PTPRM: variants seen among roughly 807,000 people sequenced by gnomAD.
PTPRM encodes the protein protein tyrosine phosphatase receptor type M.
In PTPRM, 47 loss-of-function variants were observed where a neutral mutation model predicts 186.7. That is an observed-to-expected ratio of 0.25 (90% CI 0.20 to 0.32). The LOEUF (loss-of-function observed/expected upper bound fraction) is 0.32, where lower values mean the gene tolerates loss of function less well. PTPRM is among the 10% of genes least tolerant of loss of function. The pLI, the probability that PTPRM is intolerant of heterozygous loss-of-function variation, is 1.00. For missense variants in PTPRM, 1,494 were observed against 1,865.0 expected (o/e 0.80, Z 3.66); for synonymous variants, 668 against 674.9 (o/e 0.99, Z 0.16).
intron 19 of PTPRM, among the ~76,000 whole-genome samples, chr18:8,291,925 G>A (rs957636575): frequency 3.9e-5 from 6 of 152,060 alleles, no homozygotes; most frequent in Non-Finnish European, 8.8e-5. Context: ...TCTAGGGAAG[G>A]AAGAATAAAG....
intron 1 of PTPRM, among the ~76,000 whole-genome samples, chr18:7,610,773 A>G (rs1342558518): frequency 6.6e-6 from 1 of 152,262 alleles, no homozygotes; most frequent in Non-Finnish European, 1.5e-5. Flanking sequence ...GATTCTTGAT[A>G]ATAAATGACT....
chr18:8,350,034 C>T (rs1235349755), intron 23 of PTPRM, among the ~76,000 whole-genome samples: 2 of 152,178 alleles, frequency 1.3e-5, no homozygotes, highest in Admixed American at 1.3e-4. Context: ...AGGTTCAGGG[C>T]CTGTCGGGGC....
chr18:8,380,455 A>C, intron 29 of PTPRM, 28 bp downstream of exon 29: 1 of 1,613,448 alleles, frequency 6.2e-7, no homozygotes, highest in Non-Finnish European at 8.5e-7. Context: ...TACAGTCAGA[A>C]CTAGTGCCAG....
intron 2 of PTPRM, among the ~76,000 whole-genome samples, chr18:7,830,811 A>C (rs75728951): frequency 1.7e-3 from 264 of 152,212 alleles, no homozygotes; most frequent in African/African-American, 6.0e-3. Flanking sequence ...ACACACCCGA[A>C]AGCATTTTTA....
intron 1 of PTPRM, among the ~76,000 whole-genome samples, chr18:7,683,826 C>CTCAG (rs1258773799): frequency 6.6e-6 from 1 of 152,170 alleles, no homozygotes; most frequent in Non-Finnish European, 1.5e-5. Context: ...TGTCTCCTGA[C>CTCAG]TCAGCCTTTA....
chr18:7,597,174 T>G (rs2037287131), intron 1 of PTPRM, among the ~76,000 whole-genome samples: 1 of 152,140 alleles, frequency 6.6e-6, no homozygotes, highest in Non-Finnish European at 1.5e-5. Context: ...ATTCATAGCG[T>G]TTTTGTACCA....
chr18:7,881,800 G>T (rs1357094667), intron 2 of PTPRM, among the ~76,000 whole-genome samples: 1 of 152,108 alleles, frequency 6.6e-6, no homozygotes, highest in Non-Finnish European at 1.5e-5. Context: ...TTGAAGCCGG[G>T]TCTTTTCTAT....
At chr18:7,941,383 C>T (rs1168207702) in intron 5 of PTPRM, among the ~76,000 whole-genome samples, 1 of 152,192 alleles carries the variant, frequency 6.6e-6, no homozygotes, top group Non-Finnish European at 1.5e-5. Context: ...TAGACAAAAA[C>T]CTGCTCCACA....
At chr18:7,868,818 G>C (rs185470838) in intron 2 of PTPRM, among the ~76,000 whole-genome samples, 206 of 152,330 alleles carry the variant, frequency 1.4e-3, no homozygotes, top group African/African-American at 4.6e-3. Context: ...TCCTCCAGGT[G>C]CTCTGTCCCA....
At chr18:8,047,560 G>T (rs2148228325) in intron 7 of PTPRM, among the ~76,000 whole-genome samples, 1 of 152,276 alleles carries the variant, frequency 6.6e-6, no homozygotes, top group South Asian at 2.1e-4. Flanking sequence ...TAGTAATACA[G>T]TATATGTGTG....
At chr18:7,842,947 T>TAGAG (rs1555616950) in intron 2 of PTPRM, among the ~76,000 whole-genome samples, 1,382 of 112,080 alleles carry the variant, frequency 0.012, 19 homozygotes, top group Middle Eastern at 0.03. Flanking sequence ...TATATATATA[T>TAGAG]AGAGAGAGAG....
At chr18:8,169,263 C>T (rs2093364263) in intron 14 of PTPRM, among the ~76,000 whole-genome samples, 1 of 151,626 alleles carries the variant, frequency 6.6e-6, no homozygotes, top group Non-Finnish European at 1.5e-5. Flanking sequence ...TTAAAAGGTC[C>T]TATAGCAGTA....
chr18:7,697,352 C>T (rs79864096), intron 1 of PTPRM, among the ~76,000 whole-genome samples: 4,211 of 152,238 alleles, frequency 0.028, 76 homozygotes, highest in Non-Finnish European at 0.04. Flanking sequence ...GGAAAGTTCT[C>T]TTGAATTCTT....
At chr18:8,046,658 A>G (rs943266896) in intron 7 of PTPRM, among the ~76,000 whole-genome samples, 1 of 151,918 alleles carries the variant, frequency 6.6e-6, no homozygotes, top group Non-Finnish European at 1.5e-5. Context: ...GCTTGAATCT[A>G]TTACATTTTT....
At chr18:8,070,105 A>G (rs1174835277) in intron 8 of PTPRM, 111 bp downstream of exon 8, 6 of 980,382 alleles carry the variant, frequency 6.1e-6, no homozygotes, top group Non-Finnish European at 8.9e-6. Context: ...ATTTTGTTGA[A>G]CAACACAAAT....
In PTPRM at chr18:8,252,477, C is replaced by T; in HGVS notation, c.2555-11C>T. On this transcript the variant is annotated splice_polypyrimidine_tract_variant and intron_variant, in intron 17 of 32. Coordinates refer to ENST00000580170, the MANE Select transcript of PTPRM (RefSeq NM_001105244.2). ...CCTCCTTTTTTCTCCTGATATGTAT[C>T]TTCTTAAAAGTGCCAATAAATGGTA... The T allele has an allele frequency of 6.5e-7, 1 of 1,540,396 alleles. No homozygotes were observed. Among genetic ancestry groups the T allele is most frequent in the African/African-American group, 1.4e-5 (1 of 73,324 alleles).
intron 14 of PTPRM, among the ~76,000 whole-genome samples, chr18:8,223,174 C>T (rs2094174512): frequency 1.3e-5 from 2 of 152,116 alleles, no homozygotes; most frequent in Middle Eastern, 3.4e-3. Flanking sequence ...CAGTGAGCCA[C>T]GATCGCACCA....
chr18:8,260,992 C>T (rs1005818661), intron 19 of PTPRM, among the ~76,000 whole-genome samples: 5 of 152,156 alleles, frequency 3.3e-5, no homozygotes, highest in African/African-American at 7.2e-5. Flanking sequence ...GAATCAAAGG[C>T]GCTTTGTGTT....
At chr18:8,403,102 G>T (rs2095880939) in intron 32 of PTPRM, 2 of 152,204 alleles carry the variant, frequency 1.3e-5, no homozygotes, top group African/African-American at 4.8e-5. Context: ...AGATGTCGGG[G>T]ATGGTTAATA....
Sources: gnomAD v4.1 joint callset for allele counts (sites outside exome capture counted in the v4.1 genomes callset) on GRCh38, gnomAD v4.1.1 for gene constraint, MANE v1.5 for transcripts, NCBI Gene and HGNC (gene_info 2026-07-23, HGNC 2026-07-21) for gene names.